Variants in ATP8A2 observed in about 807,000 individuals in gnomAD.
The protein encoded by ATP8A2 is ATPase phospholipid transporting 8A2, also known as phospholipid-transporting ATPase IB.
ATP8A2 carries 100 observed loss-of-function variants against 165.6 expected under a neutral mutation model. The observed-to-expected ratio is 0.60, with a 90% CI of 0.51 to 0.71. The LOEUF is 0.71. Among genes scored for constraint, ATP8A2 ranks in the 30% least tolerant of loss-of-function variants. ATP8A2 has a pLI of 0.00. For missense variants in ATP8A2, 1,227 were observed against 1,479.5 expected (o/e 0.83, Z 2.80); for synonymous variants, 543 against 548.8 (o/e 0.99, Z 0.15).
chr13:25,982,585 A>G (rs1241934530), intron 35 of ATP8A2, among the ~76,000 whole-genome samples: 1 of 152,218 alleles, frequency 6.6e-6, no homozygotes, highest in Non-Finnish European at 1.5e-5. Context: ...GTGGCCACAC[A>G]TTTCTGCTCC....
intron 35 of ATP8A2, among the ~76,000 whole-genome samples, chr13:25,995,917 A>C (rs1956491612): frequency 6.6e-6 from 1 of 152,166 alleles, no homozygotes; most frequent in African/African-American, 2.4e-5. Flanking sequence ...TTCTTATTTC[A>C]GTTCTATCAG....
At chr13:25,720,309 C>T (rs1433161630) in intron 25 of ATP8A2, among the ~76,000 whole-genome samples, 1 of 151,638 alleles carries the variant, frequency 6.6e-6, no homozygotes, top group African/African-American at 2.4e-5. Flanking sequence ...ACTACAGGTG[C>T]CCACCACCAT....
At chr13:25,731,363 GAGGA>G (rs902433717) in intron 25 of ATP8A2, among the ~76,000 whole-genome samples, 2 of 136,676 alleles carry the variant, frequency 1.5e-5, no homozygotes, top group African/African-American at 5.7e-5. Context: ...GAAAGAGAGA[GAGGA>G]AGGAAGGAAG....
intron 30 of ATP8A2, among the ~76,000 whole-genome samples, chr13:25,853,396 A>ATATATATATATATATATATATATATAT (rs59573616): frequency 9.3e-5 from 10 of 107,856 alleles, no homozygotes; most frequent in African/African-American, 2.4e-4. Context: ...ATCTAAAAAA[A>ATATATATATATATATATATATATATAT]ATATATATAT....
At position 25,532,166 on chromosome 13, in the gene ATP8A2, A is replaced by G. The variant is rs193242594; in HGVS notation, c.421-106A>G. 5 of 859,404 alleles carry G rather than the reference A, an allele frequency of 5.8e-6. No individual in the cohort carries two copies. The Admixed American group carries it at 1.2e-4, about 21-fold the overall frequency. The allele number at this position is 859,404 out of a possible 1,614,324, so 53.2% of individuals were successfully genotyped here. On this transcript the variant is annotated intron_variant, in intron 4 of 36. Transcript: ENST00000381655. ...ATTTTACAGCATGAGCATTATTGGCATTTAGTTTCCTTGTCCCCTGTAATT... is the reference window on the plus strand; with the variant it reads ...ATTTTACAGCATGAGCATTATTGGCGTTTAGTTTCCTTGTCCCCTGTAATT...
At chr13:25,649,995 G>A (rs1566014047) in intron 24 of ATP8A2, among the ~76,000 whole-genome samples, 1 of 152,094 alleles carries the variant, frequency 6.6e-6, no homozygotes, top group Admixed American at 6.6e-5. Context: ...TGTTCCCTTT[G>A]AGGTGAGACC....
chr13:25,410,010 G>GA (rs2033919888), intron 1 of ATP8A2, among the ~76,000 whole-genome samples: 1 of 151,104 alleles, frequency 6.6e-6, no homozygotes, highest in East Asian at 2.0e-4. Flanking sequence ...ATTTTTGTAT[G>GA]TGTATTCAGA....
chr13:25,665,332 C>T (rs191110695), intron 24 of ATP8A2, among the ~76,000 whole-genome samples: 3 of 152,246 alleles, frequency 2.0e-5, no homozygotes, highest in African/African-American at 4.8e-5. Flanking sequence ...GTGGCACACA[C>T]CTGTAGTCCC....
intron 2 of ATP8A2, among the ~76,000 whole-genome samples, chr13:25,471,005 TG>T (rs2137531558): frequency 6.6e-6 from 1 of 152,226 alleles, no homozygotes; most frequent in African/African-American, 2.4e-5. Context: ...TGAATGTGGA[TG>T]GGGTTTCATT....
Position 25,916,486 on chromosome 13 carries a change from C to T in ATP8A2, c.3184-45089C>T, listed in dbSNP as rs9319255. Among the ~76,000 whole-genome samples, 851 of 152,306 alleles carry T rather than the reference C, an allele frequency of 5.6e-3. 8 individuals carry two copies. The highest frequency in any genetic ancestry group is 0.017 in the African/African-American group (692 of 41,560). ...TTTTCACAGGTTGCTGTCTTGCAGG[C>T]GAGTCAACCTTTAGCCTCACCCTTC... On this transcript the variant is annotated intron_variant, in intron 33 of 36. Coordinates refer to ENST00000381655, the MANE Select transcript of ATP8A2 (RefSeq NM_016529.6).
intron 1 of ATP8A2, among the ~76,000 whole-genome samples, chr13:25,464,235 G>GTCCCTCCTCTTT (rs2035575836): frequency 6.6e-6 from 1 of 152,086 alleles, no homozygotes; most frequent in African/African-American, 2.4e-5. Flanking sequence ...ATAGGAATTT[G>GTCCCTCCTCTTT]TCCCTCCTCT....
chr13:25,687,074 G>T (rs1317604832), intron 24 of ATP8A2, among the ~76,000 whole-genome samples: 1 of 152,130 alleles, frequency 6.6e-6, no homozygotes, highest in African/African-American at 2.4e-5. Context: ...CCTTGTCACG[G>T]CCCCAAAGAA....
chr13:25,469,142 C>A lies in ATP8A2; in HGVS notation c.221+21C>A, dbSNP rs749231912. The A allele has an allele frequency of 9.3e-6, 15 of 1,612,286 alleles. 1 individual carries two copies. The South Asian group carries it at 1.4e-4, about 15-fold the overall frequency. On this transcript the variant is annotated intron_variant, in intron 2 of 36. Coordinates refer to ENST00000381655, the MANE Select transcript of ATP8A2 (RefSeq NM_016529.6). ...ATCAGGTAGGAGAAGGCGGCCGGCT[C>A]GCGCGGAAGGCGGTGGAGTCACAGC...
intron 1 of ATP8A2, among the ~76,000 whole-genome samples, chr13:25,381,740 C>A (rs1469064894): frequency 6.6e-6 from 1 of 152,164 alleles, no homozygotes; most frequent in Non-Finnish European, 1.5e-5. Flanking sequence ...CAGTGGAGAT[C>A]TTGGCCTTCT....
intron 27 of ATP8A2, among the ~76,000 whole-genome samples, chr13:25,779,353 C>T (rs2044817410): frequency 8.1e-6 from 1 of 123,510 alleles, no homozygotes; most frequent in African/African-American, 3.2e-5. Flanking sequence ...CTAGAATGCT[C>T]AGAGCTTCAG....
chr13:25,591,225 G>A (rs1414555985), intron 24 of ATP8A2: 5 of 455,458 alleles, frequency 1.1e-5, no homozygotes, highest in South Asian at 6.2e-5. Flanking sequence ...TCATATTGTT[G>A]TGTAACCATC....
At chr13:25,954,454 C>T (rs1000345813) in intron 33 of ATP8A2, among the ~76,000 whole-genome samples, 1 of 152,212 alleles carries the variant, frequency 6.6e-6, no homozygotes, top group African/African-American at 2.4e-5. Flanking sequence ...AACGTTCTTG[C>T]CTGCCGGCTC....
At chr13:25,862,804 T>C (rs1952396713) in intron 33 of ATP8A2, among the ~76,000 whole-genome samples, 1 of 152,202 alleles carries the variant, frequency 6.6e-6, no homozygotes, top group Non-Finnish European at 1.5e-5. Context: ...TCTGGTTTGT[T>C]GTTATACTCT....
rs1019012354 is a variant in ATP8A2 at position 25,979,312 on chromosome 13, G to GA, written c.3377+10642dup. Among the ~76,000 whole-genome samples the GA allele has an allele frequency of 5.3e-5, 8 of 151,580 alleles. No individual in the cohort carries two copies. In the South Asian group the frequency reaches 6.3e-4, roughly 12 times the overall value. On this transcript the variant is annotated intron_variant, in intron 35 of 36. Transcript: ENST00000381655. ...AAACATTTCTCTATTAACAGGAACAGAAAAAAAAATTATTCTTGGGTTTAA... is the reference window on the plus strand; with the variant it reads ...AAACATTTCTCTATTAACAGGAACAGAAAAAAAAAATTATTCTTGGGTTTAA...
Sources: allele counts gnomAD v4.1 joint callset (sites outside exome capture counted in the v4.1 genomes callset), GRCh38; gene constraint gnomAD v4.1.1; transcripts MANE v1.5; gene names NCBI Gene and HGNC (gene_info 2026-07-23, HGNC 2026-07-21).